Variants in COP1 observed in about 807,000 individuals in gnomAD.
COP1 encodes COP1 E3 ubiquitin ligase, also known as E3 ubiquitin-protein ligase COP1.
COP1 carries 24 observed loss-of-function variants against 101.3 expected under a neutral mutation model. That is an observed-to-expected ratio of 0.24 (90% confidence interval 0.17 to 0.33). The LOEUF is 0.33. COP1 is among the 10% of genes least tolerant of loss of function. COP1 has a pLI of 1.00. For synonymous variants in COP1, 347 were observed against 341.9 expected (o/e 1.01, Z -0.17); for missense variants, 663 against 906.2 (o/e 0.73, Z 3.45).
intron 11 of COP1, among the ~76,000 whole-genome samples, chr1:176,056,432 G>C (rs1293514627): frequency 1.6e-5 from 2 of 125,934 alleles, no homozygotes; most frequent in Non-Finnish European, 3.6e-5. Flanking sequence ...AGTTAACACA[G>C]GGATTTTTTA....
intron 15 of COP1, among the ~76,000 whole-genome samples, chr1:176,025,767 G>A (rs1217119416): frequency 6.6e-6 from 1 of 152,036 alleles, no homozygotes; most frequent in East Asian, 1.9e-4. Flanking sequence ...GTGCACGCCT[G>A]TAGTCCCAGC....
At chr1:176,038,971 T>A (rs2149145612) in intron 14 of COP1, among the ~76,000 whole-genome samples, 1 of 152,262 alleles carries the variant, frequency 6.6e-6, no homozygotes, top group South Asian at 2.1e-4. Context: ...ATCAAACAAC[T>A]GGATGTAACT....
intron 1 of COP1, among the ~76,000 whole-genome samples, chr1:176,203,681 A>T (rs1194179367): frequency 2.0e-5 from 3 of 152,242 alleles, no homozygotes; most frequent in African/African-American, 7.2e-5. Context: ...CCATCAATAA[A>T]ACACTGTTAA....
At chr1:176,095,080 A>T (rs1682083691) in intron 9 of COP1, among the ~76,000 whole-genome samples, 1 of 152,202 alleles carries the variant, frequency 6.6e-6, no homozygotes, top group Admixed American at 6.5e-5. Flanking sequence ...TTTCCAATCT[A>T]CAAATACTTT....
At chr1:175,973,213 A>G (rs899110057) in intron 18 of COP1, among the ~76,000 whole-genome samples, 1 of 152,206 alleles carries the variant, frequency 6.6e-6, no homozygotes, top group Admixed American at 6.5e-5. Context: ...TCAGTACTGG[A>G]GTCTGAATTA....
chr1:176,063,596 G>A (rs1372570726), intron 11 of COP1, among the ~76,000 whole-genome samples: 2 of 152,114 alleles, frequency 1.3e-5, no homozygotes, highest in African/African-American at 4.8e-5. Context: ...TGATGTGGAT[G>A]GGGAGAAGAG....
chr1:175,980,303 T>G (rs2148675018), intron 18 of COP1, among the ~76,000 whole-genome samples: 1 of 149,162 alleles, frequency 6.7e-6, no homozygotes, highest in South Asian at 2.1e-4. Flanking sequence ...GTATATTAAT[T>G]CATTCAGCAA....
At chr1:176,153,563 T>G (rs1027988905) in intron 5 of COP1, among the ~76,000 whole-genome samples, 3 of 152,202 alleles carry the variant, frequency 2.0e-5, no homozygotes, top group Non-Finnish European at 4.4e-5. Context: ...CTCTTCCTAT[T>G]TGGATCCCCT....
At chr1:176,071,034 T>C (rs1676909053) in intron 11 of COP1, among the ~76,000 whole-genome samples, 1 of 152,170 alleles carries the variant, frequency 6.6e-6, no homozygotes. Context: ...TTCTAGATAT[T>C]GACTGACAGA....
intron 15 of COP1, among the ~76,000 whole-genome samples, chr1:176,021,163 T>C (rs989070981): frequency 2.0e-5 from 3 of 152,196 alleles, no homozygotes; most frequent in Non-Finnish European, 4.4e-5. Context: ...TCAGTTTCTA[T>C]GAAATAAAAT....
At chr1:176,047,841 G>A (rs1259817608) in intron 11 of COP1, among the ~76,000 whole-genome samples, 1 of 152,140 alleles carries the variant, frequency 6.6e-6, no homozygotes, top group Non-Finnish European at 1.5e-5. Context: ...CTGAGAGACC[G>A]AGGTGGGAGG....
rs141216757 is a variant in COP1, at chr1:176,089,331, T to A, written c.1027-3441A>T. On this transcript the variant is annotated intron_variant, in intron 9 of 19. Coordinates refer to ENST00000367669, the MANE Select transcript of COP1 (RefSeq NM_022457.7). ...AACAACAACAACAACAACAACAATC[T>A]ATTTAATACTGATTATCAGATTAAG... is the stretch of plus-strand genomic sequence containing the variant. Among the ~76,000 whole-genome samples, 83 of 97,032 alleles carry A rather than the reference T, an allele frequency of 8.6e-4. 2 individuals are homozygous for A. Among genetic ancestry groups the A allele is most frequent in the African/African-American group, 2.8e-3 (77 of 27,496 alleles). The allele number at this position is 97,032 out of a possible 152,430, so 63.7% of individuals were successfully genotyped here. A position where few individuals can be genotyped will look rare whatever the true frequency, so the allele number is the denominator to read the frequency against.
intron 5 of COP1, among the ~76,000 whole-genome samples, chr1:176,153,598 T>C (rs1230159515): frequency 6.6e-6 from 1 of 152,150 alleles, no homozygotes; most frequent in Admixed American, 6.5e-5. Flanking sequence ...GCTTGACTGC[T>C]CCAGCCAAGA....
Position 176,066,418 on chromosome 1 carries a change from T to A in COP1, c.1277+14734A>T, listed in dbSNP as rs529351031. ...GAAAAGCTTTTCCTCTCCTAAATAG[T>A]AAAGTGAACTCCTACTAAACTCCTT... On this transcript the variant is annotated intron_variant, in intron 11 of 19. Coordinates refer to ENST00000367669, the MANE Select transcript of COP1 (RefSeq NM_022457.7). Among the ~76,000 whole-genome samples the A allele has an allele frequency of 7.2e-5, 11 of 152,288 alleles. No homozygotes were observed. The South Asian group carries it at 2.3e-3, about 32-fold the overall frequency.
intron 2 of COP1, among the ~76,000 whole-genome samples, chr1:176,176,319 C>CA (rs1299088289): frequency 6.6e-6 from 1 of 152,218 alleles, no homozygotes; most frequent in East Asian, 1.9e-4. Flanking sequence ...AAGCTAATGC[C>CA]TACAGCTCAG....
At position 176,131,974 on chromosome 1, in the gene COP1, C is replaced by T. The variant is rs1688962942; in HGVS notation, c.968+3036G>A. Among the ~76,000 whole-genome samples the T allele has an allele frequency of 2.0e-5, 3 of 151,526 alleles. No individual in the cohort carries two copies. In the Admixed American group the frequency reaches 2.0e-4, roughly 10 times the overall value. ...ATGACAGCTTTGCAAGCAATTTTAG[C>T]AATTCTCCAACAATATTTTCATAAA... On this transcript the variant is annotated intron_variant, in intron 8 of 19. Transcript: ENST00000367669.
chr1:176,057,366 G>A (rs916014264), intron 11 of COP1, among the ~76,000 whole-genome samples: 2 of 151,712 alleles, frequency 1.3e-5, no homozygotes, highest in Non-Finnish European at 2.9e-5. Flanking sequence ...CTCTTTCCAC[G>A]ATCTCCCTCT....
At chr1:175,978,485 C>G (rs1371179953) in intron 18 of COP1, among the ~76,000 whole-genome samples, 1 of 152,042 alleles carries the variant, frequency 6.6e-6, no homozygotes, top group Admixed American at 6.6e-5. Flanking sequence ...TAGAGAAAAA[C>G]AAATTACTAG....
chr1:176,100,870 C>G (rs911933096), intron 9 of COP1, among the ~76,000 whole-genome samples: 7 of 152,104 alleles, frequency 4.6e-5, no homozygotes, highest in Non-Finnish European at 7.3e-5. Context: ...CCCCCACCCC[C>G]CAAGACACAT....
Sources: gnomAD v4.1 joint callset for allele counts (sites outside exome capture counted in the v4.1 genomes callset) on GRCh38, gnomAD v4.1.1 for gene constraint, MANE v1.5 for transcripts, NCBI Gene and HGNC (gene_info 2026-07-23, HGNC 2026-07-21) for gene names.